Variants in PGM3 observed in about 807,000 individuals in gnomAD.
The protein encoded by PGM3 is phosphoglucomutase 3.
Under a neutral mutation model 66.2 loss-of-function variants are expected in PGM3, and 40 were observed. The observed-to-expected ratio is 0.60, with a 90% CI of 0.47 to 0.79. The LOEUF is 0.79. Among genes scored for constraint, PGM3 ranks in the 30% least tolerant of loss-of-function variants. PGM3 has a pLI of 0.00. For synonymous variants in PGM3, 191 were observed against 224.2 expected, an observed-to-expected ratio of 0.85 and a Z score of 1.32; for missense variants, 537 against 643.4, an observed-to-expected ratio of 0.83 and a Z score of 1.79.
chr6:83,185,771 ATAAATAAG>A (rs1262906541), intron 4 of PGM3, among the ~76,000 whole-genome samples: 5 of 152,224 alleles, frequency 3.3e-5, no homozygotes, highest in Admixed American at 1.3e-4. Flanking sequence ...CAATAAATAA[ATAAATAAG>A]TAAATAAATA....
chr6:83,170,534 A>T, intron 11 of PGM3, 56 bp from the exon 12 acceptor site: 2 of 1,377,048 alleles, frequency 1.5e-6, no homozygotes, highest in Non-Finnish European at 2.0e-6. Context: ...CAGAAGCTTA[A>T]CCTGTTAAAC....
At chr6:83,149,446 A>C in the PGM3 span, among the ~76,000 whole-genome samples, 3 of 152,148 alleles carry the variant, frequency 2.0e-5, no homozygotes, top group African/African-American at 7.2e-5. Context: ...AGCCTTTGTG[A>C]AACAGGAAGG....
At chr6:83,151,067 C>T in the PGM3 span, among the ~76,000 whole-genome samples, 2,832 of 152,242 alleles carry the variant, frequency 0.019, 97 homozygotes, top group African/African-American at 0.064. Context: ...GTGTCGGCTT[C>T]TTTTGTTCAA....
chr6:83,154,845 A>G, the PGM3 span, among the ~76,000 whole-genome samples: 28 of 152,352 alleles, frequency 1.8e-4, no homozygotes, highest in Admixed American at 3.3e-4. Flanking sequence ...TAGCAGTAAC[A>G]TTGTATGATT....
downstream of PGM3, among the ~76,000 whole-genome samples, chr6:83,156,885 C>A (rs1782925989): frequency 6.6e-6 from 1 of 152,106 alleles, no homozygotes; most frequent in Admixed American, 6.6e-5. Flanking sequence ...GGTCCATGGA[C>A]CAGTAACCAG....
downstream of PGM3, chr6:83,162,905 C>A (rs780546816): frequency 6.2e-7 from 1 of 1,612,172 alleles, no homozygotes; most frequent in Non-Finnish European, 8.5e-7. Flanking sequence ...AAAACTTCTT[C>A]GGAAAAGAGC....
chr6:83,190,912 T>C lies in PGM3; in HGVS notation c.101A>G (p.His34Arg), dbSNP rs1199513385. 5 of 1,614,062 alleles carry C rather than the reference T, an allele frequency of 3.1e-6. No individual in the cohort carries two copies. The African/African-American group carries it at 5.3e-5, about 17-fold the overall frequency. ...CATGCGAAACATGACATGATCAAGATGTTCTGCCTTCGTTCGAAATCCAGC... is the reference window on the plus strand; with the variant it reads ...CATGCGAAACATGACATGATCAAGACGTTCTGCCTTCGTTCGAAATCCAGC... Reference protein sequence around the residue: ...GTAGFRTKAEHLDHVMFRMGL... With the variant: ...GTAGFRTKAERLDHVMFRMGL... The change falls in exon 2 of 13, where the codon CAT becomes CGT. Residue 34 changes from histidine (H) to arginine (R), a missense_variant. Transcript: ENST00000513973.
chr6:83,167,815 C>T lies in PGM3; in HGVS notation c.*1419G>A, dbSNP rs1373076304. ...TATATTTTTAATTTTTCTAACATAC[C>T]ACATTGTCTGTTGTATTAATACCAG... On this transcript the variant is annotated 3_prime_UTR_variant, in exon 13 of 13. Coordinates refer to ENST00000513973, the MANE Select transcript of PGM3 (RefSeq NM_015599.3). 6.5e-7 allele frequency: 1 copy of T among 1,536,876 alleles called. No individual in the cohort carries two copies. Among genetic ancestry groups the T allele is most frequent in the Middle Eastern group, 1.8e-4 (1 of 5,654 alleles).
intron 6 of PGM3, among the ~76,000 whole-genome samples, chr6:83,181,517 C>A (rs1159176501): frequency 6.6e-6 from 1 of 152,142 alleles, no homozygotes; most frequent in Non-Finnish European, 1.5e-5. Context: ...CTTTCCCCAC[C>A]TGATTTCCTG....
At chr6:83,158,484 G>A (rs529177021), downstream of PGM3, 836 of 1,083,750 alleles carry the variant, frequency 7.7e-4, 10 homozygotes, top group Admixed American at 0.018. Context: ...TTGTTTTTGC[G>A]TTAATGAAAA....
chr6:83,182,702 A>G, intron 5 of PGM3, 143 bp downstream of exon 5: 1 of 711,306 alleles, frequency 1.4e-6, no homozygotes, highest in Non-Finnish European at 2.3e-6. Flanking sequence ...AACCTTGTGT[A>G]GCCCTAGAGA....
At chr6:83,154,505 T>A in the PGM3 span, among the ~76,000 whole-genome samples, 2 of 152,214 alleles carry the variant, frequency 1.3e-5, no homozygotes, top group Non-Finnish European at 2.9e-5. Context: ...GAAGGGTCCA[T>A]GTCTAATTTG....
At chr6:83,177,806 C>G (rs537310730) in intron 8 of PGM3, among the ~76,000 whole-genome samples, 1 of 152,130 alleles carries the variant, frequency 6.6e-6, no homozygotes, top group Non-Finnish European at 1.5e-5. Flanking sequence ...TACCATCCCC[C>G]AGGTAATATG....
Position 83,166,620 on chromosome 6 carries a change from G to A in PGM3, c.*2614C>T. 1 of 766,774 alleles carries A rather than the reference G, an allele frequency of 1.3e-6. No individual in the cohort carries two copies. Among genetic ancestry groups the A allele is most frequent in the East Asian group, 3.0e-5 (1 of 33,474 alleles). 47.5% of individuals were successfully genotyped at this position (766,774 alleles called of 1,614,324 possible). ...AACATAACCACATTTATTTAAGAAT[G>A]TACTCCAATATAAAACGGCAAATTT... On this transcript the variant is annotated 3_prime_UTR_variant, in exon 13 of 13. Transcript: ENST00000513973.
downstream of PGM3, among the ~76,000 whole-genome samples, chr6:83,161,840 A>G (rs916255223): frequency 3.3e-5 from 5 of 152,106 alleles, no homozygotes; most frequent in Non-Finnish European, 5.9e-5. Flanking sequence ...TCCTGTCTCT[A>G]TATTCTCAGA....
At position 83,168,324 on chromosome 6, in the gene PGM3, AT is replaced by A; in HGVS notation, c.*909del. On this transcript the variant is annotated 3_prime_UTR_variant, in exon 13 of 13. Transcript: ENST00000513973. ...TTTGTATATAAGAGCAAATGTCTGA[AT>A]GTGGCCTGAATCAAGTTTAAATATT... 7.0e-7 allele frequency: 1 copy of A among 1,420,670 alleles called. No homozygotes were observed. Among genetic ancestry groups the A allele is most frequent in the Non-Finnish European group, 9.1e-7 (1 of 1,093,242 alleles). 88.0% of individuals were successfully genotyped at this position (1,420,670 alleles called of 1,614,324 possible). A position where few individuals can be genotyped will look rare whatever the true frequency, so the allele number is the denominator to read the frequency against.
At position 83,168,878 on chromosome 6, in the gene PGM3, GT is replaced by G. The variant is rs1404291045; in HGVS notation, c.*355del. The G allele has an allele frequency of 9.5e-7, 1 of 1,054,136 alleles. No individual in the cohort carries two copies. Among genetic ancestry groups the G allele is most frequent in the Non-Finnish European group, 1.1e-6 (1 of 870,842 alleles). The allele number at this position is 1,054,136 out of a possible 1,614,324, so 65.3% of individuals were successfully genotyped here. On this transcript the variant is annotated 3_prime_UTR_variant, in exon 13 of 13. Coordinates refer to ENST00000513973, the MANE Select transcript of PGM3 (RefSeq NM_015599.3). ...TGCTGCAAAACATCATCTTGCTCAT[GT>G]GATGGTGATGGCAAAGATATCACAA...
At chr6:83,180,296 A>G (rs576588045) in intron 6 of PGM3, among the ~76,000 whole-genome samples, 1 of 152,308 alleles carries the variant, frequency 6.6e-6, no homozygotes, top group South Asian at 2.1e-4. Flanking sequence ...TTTACCTAGG[A>G]CCGTGATCTC....
chr6:83,178,138 C>T (rs1226577859), intron 8 of PGM3, among the ~76,000 whole-genome samples: 3 of 152,154 alleles, frequency 2.0e-5, no homozygotes, highest in Non-Finnish European at 2.9e-5. Flanking sequence ...AACTTGAAAC[C>T]ACCATTTGTC....
Sources: allele counts gnomAD v4.1 joint callset (sites outside exome capture counted in the v4.1 genomes callset), GRCh38; gene constraint gnomAD v4.1.1; transcripts MANE v1.5; gene names NCBI Gene and HGNC (gene_info 2026-07-23, HGNC 2026-07-21).